FBXO41: variants seen among roughly 807,000 people sequenced by gnomAD.
The protein encoded by FBXO41 is F-box only protein 41.
In FBXO41, 33 loss-of-function variants were observed where a neutral mutation model predicts 81.6. The ratio of observed to expected loss-of-function variants is 0.40; its 90% confidence interval spans 0.31 to 0.54. The LOEUF is 0.54. Ranked by LOEUF, FBXO41 falls within the 20% of genes least tolerant of loss-of-function variation. The pLI is 0.39. For missense variants in FBXO41, 1,107 were observed against 1,236.0 expected (o/e 0.90, Z 1.56); for synonymous variants, 576 against 552.7 (o/e 1.04, Z -0.59).
intron 8 of FBXO41, among the ~76,000 whole-genome samples, 156 bp from the exon 9 acceptor site, chr2:73,263,464 A>C (rs927095757): frequency 4.6e-5 from 7 of 152,098 alleles, no homozygotes; most frequent in Non-Finnish European, 8.8e-5. Context: ...ATTTAAAAAA[A>C]AAAAAAGAAA....
chr2:73,273,515 A>G (rs201166840), intron 1 of FBXO41, among the ~76,000 whole-genome samples: 6 of 152,138 alleles, frequency 3.9e-5, no homozygotes, highest in Non-Finnish European at 8.8e-5. Flanking sequence ...GCTCCCAGGG[A>G]ACACACATGA....
intron 9 of FBXO41, 40 bp downstream of exon 9, chr2:73,263,173 C>G (rs1342325065): frequency 6.6e-7 from 1 of 1,517,734 alleles, no homozygotes; most frequent in Non-Finnish European, 9.0e-7. Context: ...CAGGCCCAAC[C>G]GTGTCCCCCC....
chr2:73,279,862 C>T (rs572611473), intron 1 of FBXO41, among the ~76,000 whole-genome samples: 1 of 152,184 alleles, frequency 6.6e-6, no homozygotes, highest in African/African-American at 2.4e-5. Context: ...TCCGCAGGCC[C>T]GAGGCACGAA....
At chr2:73,264,139 C>A in intron 6 of FBXO41, 86 bp from the exon 7 acceptor site, 1 of 1,551,432 alleles carries the variant, frequency 6.4e-7, no homozygotes, top group African/African-American at 1.4e-5. Flanking sequence ...TAGAAGGCCC[C>A]ATGAGAGCAT....
At chr2:73,264,905 T>C (rs893406264) in intron 5 of FBXO41, among the ~76,000 whole-genome samples, 1 of 152,066 alleles carries the variant, frequency 6.6e-6, no homozygotes, top group Non-Finnish European at 1.5e-5. Context: ...GCTACACCCC[T>C]GACCCTAGCC....
rs1207164467 is a variant in FBXO41, at chr2:73,268,757, G to A, written c.874C>T (p.His292Tyr). ...TTGCGGCTCAGCTCCTGTTCCTTGT[G>A]CACCAGGTCCTGCTTGAGTGAGGCC... ...LLASLKQDLV[H>Y]KEQELSRKQQ... The change falls in exon 2 of 13, where the codon CAC becomes TAC. Residue 292 changes from histidine to tyrosine, a missense_variant. This residue lies in a region of FBXO41 where 771 missense variants were observed against 789.2 expected (regional missense o/e 0.98). Transcript: ENST00000520530. The A allele has an allele frequency of 1.3e-6, 2 of 1,566,538 alleles. No individual in the cohort carries two copies. Among genetic ancestry groups the A allele is most frequent in the South Asian group, 1.2e-5 (1 of 84,208 alleles).
rs1688124880 is a variant in FBXO41, at chr2:73,263,958, C to T, written c.1902G>A (p.Glu634=). The T allele has an allele frequency of 8.1e-6, 13 of 1,608,784 alleles. No homozygotes were observed. The highest frequency in any genetic ancestry group is 2.2e-5 in the East Asian group (1 of 44,680). ...CTCACCGGGTGCTCCGGGCATACTC[C>T]TCCTTGCTCTCCTTCTTTCCCCGCT... ...PRQRGKKESK[E]EYARSTRGCL... The change falls in exon 7 of 13, where the codon GAG becomes GAA. Residue 634 remains glutamate, a synonymous_variant. Coordinates refer to ENST00000520530, the MANE Select transcript of FBXO41 (RefSeq NM_001371389.2).
chr2:73,283,145 C>T (rs988910938), intron 1 of FBXO41, among the ~76,000 whole-genome samples: 1 of 152,148 alleles, frequency 6.6e-6, no homozygotes, highest in African/African-American at 2.4e-5. Context: ...GGGGAGGCAG[C>T]CGGAGTTGTC....
chr2:73,279,701 C>T (rs1036557393), intron 1 of FBXO41, among the ~76,000 whole-genome samples: 16 of 151,976 alleles, frequency 1.1e-4, no homozygotes, highest in African/African-American at 3.6e-4. Flanking sequence ...GAGGTAAGGA[C>T]GTGAGGAGAC....
At chr2:73,263,602 G>C in intron 8 of FBXO41, 76 bp downstream of exon 8, 1 of 1,560,698 alleles carries the variant, frequency 6.4e-7, no homozygotes, top group Non-Finnish European at 8.7e-7. Context: ...CCTGGGGGAG[G>C]CTATGCAGCA....
At chr2:73,261,585 C>G (rs1394776405) in intron 9 of FBXO41, among the ~76,000 whole-genome samples, 1 of 152,228 alleles carries the variant, frequency 6.6e-6, no homozygotes, top group Non-Finnish European at 1.5e-5. Flanking sequence ...AGTGGACAGT[C>G]TCTTTGGTGG....
At chr2:73,275,462 TGTGAGCCACCAC>T (rs1363385225) in intron 1 of FBXO41, among the ~76,000 whole-genome samples, 3 of 152,086 alleles carry the variant, frequency 2.0e-5, no homozygotes, top group Non-Finnish European at 4.4e-5. Context: ...GGATTACAAG[TGTGAGCCACCAC>T]GCCTGGCCCA....
chr2:73,268,017 T>C (rs1688329928), intron 2 of FBXO41, among the ~76,000 whole-genome samples: 1 of 152,154 alleles, frequency 6.6e-6, no homozygotes, highest in Non-Finnish European at 1.5e-5. Context: ...ATCCTACATT[T>C]AAAGACCAGA....
Position 73,259,883 on chromosome 2 carries a change from T to G in FBXO41, c.2449+506A>C, listed in dbSNP as rs1378819757. Among the ~76,000 whole-genome samples the G allele has an allele frequency of 6.6e-6, 1 of 152,052 alleles. No individual in the cohort carries two copies. Among genetic ancestry groups the G allele is most frequent in the African/African-American group, 2.4e-5 (1 of 41,394 alleles). On this transcript the variant is annotated intron_variant, in intron 11 of 12. Transcript: ENST00000520530. The surrounding 1 kb of genome is among the most constrained non-coding windows in gnomAD (Gnocchi z 4.2). ...TCAAGGCACCTTGGCGCAGTTGGCATGGGGTCCTCTCAGGAGCCAAAGGGT... is the reference window on the plus strand; with the variant it reads ...TCAAGGCACCTTGGCGCAGTTGGCAGGGGGTCCTCTCAGGAGCCAAAGGGT...
At position 73,266,759 on chromosome 2, in the gene FBXO41, T is replaced by C. The variant is rs1488729151; in HGVS notation, c.906-77A>G. 6.9e-7 allele frequency: 1 copy of C among 1,454,166 alleles called. No homozygotes were observed. 90.1% of individuals were successfully genotyped at this position (1,454,166 alleles called of 1,614,324 possible). A position where few individuals can be genotyped will look rare whatever the true frequency, so the allele number is the denominator to read the frequency against. ...ACCCTCTGGAGGAGAGCCTGGCCAGTGCGGGGAGACACTGGCACAGCTGCC... is the reference window on the plus strand; with the variant it reads ...ACCCTCTGGAGGAGAGCCTGGCCAGCGCGGGGAGACACTGGCACAGCTGCC... On this transcript the variant is annotated intron_variant, in intron 2 of 12. Coordinates refer to ENST00000520530, the MANE Select transcript of FBXO41 (RefSeq NM_001371389.2). The surrounding 1 kb of genome is among the most constrained non-coding windows in gnomAD (Gnocchi z 5.3).
At position 73,263,737 on chromosome 2, in the gene FBXO41, G is replaced by A. The variant is rs769646987; in HGVS notation, c.2016C>T (p.Thr672=). The change falls in exon 8 of 13, where the codon ACC becomes ACT. Residue 672 remains threonine (T), a synonymous_variant. Transcript: ENST00000520530. The stretch of plus-strand genomic sequence containing the variant: ...AGCTGGCCAGCCAGAGCGAGCGGTC[G>A]GTGAGGATGTTTGGACAGTGGGAGA... ...LRISHCPNIL[T]DRSLWLASCY... 39 of 1,613,876 alleles carry A rather than the reference G, an allele frequency of 2.4e-5. No individual in the cohort carries two copies. Among genetic ancestry groups the A allele is most frequent in the Non-Finnish European group, 2.8e-5 (33 of 1,179,904 alleles).
intron 1 of FBXO41, among the ~76,000 whole-genome samples, chr2:73,276,601 A>G (rs893079080): frequency 2.8e-4 from 24 of 84,500 alleles, no homozygotes; most frequent in Non-Finnish European, 6.7e-5. Context: ...AGAGAGAGAG[A>G]GAGGGAGAGA....
At chr2:73,263,888 C>A in intron 7 of FBXO41, 50 bp downstream of exon 7, 2 of 1,613,968 alleles carry the variant, frequency 1.2e-6, no homozygotes, top group Non-Finnish European at 1.7e-6. Flanking sequence ...AAACTTAATT[C>A]CAGGTCTGTG....
rs748313437 is a variant in FBXO41, at chr2:73,264,311, C to G, written c.1773G>C (p.Arg591Ser). ...AGACACGGGCATTCTCAAGCAGCAC[C>G]CTTGTCCAGACTGCGGGGTGGCGGG... ...FVARHPAVWT[R>S]VLLENARVCS... Residue 591 changes from arginine to serine, a missense_variant, in exon 6 of 13, where the codon AGG becomes AGC. Around this residue, in one of 2 missense-constraint regions of FBXO41, gnomAD observed 336 missense variants for 446.7 expected, o/e 0.75. Coordinates refer to ENST00000520530, the MANE Select transcript of FBXO41 (RefSeq NM_001371389.2). 1 of 1,613,612 alleles carries G rather than the reference C, an allele frequency of 6.2e-7. No homozygotes were observed. Among genetic ancestry groups the G allele is most frequent in the South Asian group, 1.1e-5 (1 of 91,072 alleles).
Sources: gnomAD v4.1 joint callset for allele counts (sites outside exome capture counted in the v4.1 genomes callset) on GRCh38, gnomAD v4.1.1 for gene constraint, gnomAD v4.1.1 regional missense constraint, Gnocchi (gnomAD v3.1) non-coding constraint, MANE v1.5 for transcripts, NCBI Gene and HGNC (gene_info 2026-07-23, HGNC 2026-07-21) for gene names.